NAA16: variants seen among roughly 807,000 people sequenced by gnomAD.
NAA16 encodes the protein NARG1-like protein.
NAA16 carries 97 observed loss-of-function variants against 110.3 expected under a neutral mutation model. That is an observed-to-expected ratio of 0.88 (90% confidence interval 0.75 to 1.04). NAA16 has a LOEUF of 1.04. NAA16 is among the 50% of genes least tolerant of loss of function. The pLI, the probability that NAA16 is intolerant of heterozygous loss-of-function variation, is 0.00. For synonymous variants in NAA16, 372 were observed against 330.6 expected, an observed-to-expected ratio of 1.13 and a Z score of -1.36; for missense variants, 1,017 against 1,005.1, an observed-to-expected ratio of 1.01 and a Z score of -0.16.
rs976741251 is a variant in NAA16, at chr13:41,318,070, G to C, written c.140-736G>C. ...TTAGTGATTTTTAAATTATGTATTT[G>C]TCTTTATTAAGGTAGATTGAGTGTT... On this transcript the variant is annotated intron_variant, in intron 2 of 19. Transcript: ENST00000379406. 3.9e-5 allele frequency among the ~76,000 whole-genome samples: 6 copies of C among 152,202 alleles called. No individual in the cohort carries two copies. In the South Asian group the frequency reaches 1.2e-3, roughly 32 times the overall value.
intron 7 of NAA16, 106 bp downstream of exon 7, chr13:41,328,949 AT>A: frequency 2.1e-6 from 2 of 946,004 alleles, no homozygotes; most frequent in South Asian, 1.5e-5. Context: ...ATTAGTACTC[AT>A]TTTTCCATTT....
At chr13:41,337,647 T>G (rs966550375) in intron 9 of NAA16, among the ~76,000 whole-genome samples, 30 of 151,868 alleles carry the variant, frequency 2.0e-4, no homozygotes, top group South Asian at 8.3e-4. Flanking sequence ...TATTTCCAAG[T>G]GTTGCTTCTT....
At chr13:41,363,455 T>C (rs2043152113) in intron 13 of NAA16, among the ~76,000 whole-genome samples, 1 of 152,184 alleles carries the variant, frequency 6.6e-6, no homozygotes, top group Admixed American at 6.5e-5. Context: ...AGTTCTGAAC[T>C]TCTTGAACTT....
At position 41,320,835 on chromosome 13, in the gene NAA16, C is replaced by A; in HGVS notation, c.402+11C>A. 6.3e-7 allele frequency: 1 copy of A among 1,581,052 alleles called. No individual in the cohort carries two copies. Among genetic ancestry groups the A allele is most frequent in the Non-Finnish European group, 8.6e-7 (1 of 1,167,816 alleles). ...CTTGAAGGTTACCGAGTAAGTACTTCATTCTTAAATGTACATGATTTTACA... is the reference window on the plus strand; with the variant it reads ...CTTGAAGGTTACCGAGTAAGTACTTAATTCTTAAATGTACATGATTTTACA... On this transcript the variant is annotated intron_variant, in intron 4 of 19. Transcript: ENST00000379406.
At chr13:41,355,745 T>C (rs1281494472) in intron 10 of NAA16, among the ~76,000 whole-genome samples, 1 of 152,130 alleles carries the variant, frequency 6.6e-6, no homozygotes, top group Non-Finnish European at 1.5e-5. Context: ...TGTTTTAACA[T>C]GAGGAAACAT....
At chr13:41,318,725 C>T (rs141760441) in intron 2 of NAA16, 81 bp from the exon 3 acceptor site, 23 of 582,176 alleles carry the variant, frequency 4.0e-5, no homozygotes, top group Non-Finnish European at 3.2e-5. Flanking sequence ...TCCTTCAGAT[C>T]TCAACTATTA....
chr13:41,351,569 G>A (rs7994124), intron 9 of NAA16, among the ~76,000 whole-genome samples: 144,293 of 152,326 alleles, frequency 0.95, 68,412 homozygotes, highest in South Asian at 0.99. Context: ...TAAGGTTAAT[G>A]AAGAGTTCTT....
At position 41,361,253 on chromosome 13, in the gene NAA16, A is replaced by C. The variant is rs2043106578; in HGVS notation, c.1411-778A>C. ...TTTGTCAGCCCACTGCAAAGGAGAA[A>C]TATTAAAGTAGAAGAGTTGTCATGA... On this transcript the variant is annotated intron_variant, in intron 12 of 19. Coordinates refer to ENST00000379406, the MANE Select transcript of NAA16 (RefSeq NM_024561.5). 2.6e-5 allele frequency among the ~76,000 whole-genome samples: 4 copies of C among 152,208 alleles called. No individual in the cohort carries two copies. In the South Asian group the frequency reaches 8.3e-4, roughly 31 times the overall value.
intron 3 of NAA16, 85 bp from the exon 4 acceptor site, chr13:41,320,582 A>G (rs2041920879): frequency 4.7e-6 from 6 of 1,279,176 alleles, no homozygotes; most frequent in African/African-American, 1.5e-5. Flanking sequence ...GCAAAATACC[A>G]TTTCCTTAAT....
At chr13:41,343,691 G>A (rs540122717) in intron 9 of NAA16, among the ~76,000 whole-genome samples, 2 of 152,202 alleles carry the variant, frequency 1.3e-5, no homozygotes, top group South Asian at 2.1e-4. Context: ...CGCCACACCC[G>A]GCTAATTTTA....
chr13:41,318,683 G>A (rs577140607), intron 2 of NAA16, 123 bp from the exon 3 acceptor site: 1 of 431,424 alleles, frequency 2.3e-6, no homozygotes, highest in African/African-American at 2.0e-5. Context: ...TTCAAACTGT[G>A]AGATTAAAAA....
chr13:41,333,021 G>T (rs2042281662), intron 8 of NAA16, among the ~76,000 whole-genome samples: 2 of 152,094 alleles, frequency 1.3e-5, no homozygotes, highest in South Asian at 4.1e-4. Context: ...AATAGGCTTG[G>T]TGGGGAGGGT....
chr13:41,373,179 G>A, intron 17 of NAA16: 3 of 897,306 alleles, frequency 3.3e-6, no homozygotes, highest in Non-Finnish European at 4.0e-6. Context: ...AGGCTAGGAT[G>A]TATTTATATT....
At chr13:41,370,022 G>C (rs998831558) in intron 15 of NAA16, among the ~76,000 whole-genome samples, 2 of 152,140 alleles carry the variant, frequency 1.3e-5, no homozygotes, top group African/African-American at 4.8e-5. Context: ...TACTAGAAAT[G>C]TTGTAGCTAC....
chr13:41,324,363 CTTTTTTTTTTTTT>C (rs71086562), intron 5 of NAA16, among the ~76,000 whole-genome samples: 32 of 66,098 alleles, frequency 4.8e-4, no homozygotes, highest in East Asian at 2.6e-3. Context: ...TTCTTTCTTT[CTTTTTTTTTTTTT>C]TTTTTTTTTT....
In NAA16 at chr13:41,376,296, AG is replaced by A. The variant is rs1482164293; in HGVS notation, c.*696del. 6.6e-6 allele frequency: 1 copy of A among 152,234 alleles called. No homozygotes were observed. Among genetic ancestry groups the A allele is most frequent in the East Asian group, 1.9e-4 (1 of 5,198 alleles). The allele number at this position is 152,234 out of a possible 1,614,324, so 9.4% of individuals were successfully genotyped here. On this transcript the variant is annotated 3_prime_UTR_variant, in exon 20 of 20. Transcript: ENST00000379406. ...AGAGCAAGACTCCATCTCGAAAAAA[AG>A]GAATTCCTCTTGGCAGATATTGAAG... is the stretch of plus-strand genomic sequence containing the variant.
intron 2 of NAA16, among the ~76,000 whole-genome samples, chr13:41,317,969 TA>T (rs1272159539): frequency 6.6e-6 from 1 of 152,258 alleles, no homozygotes; most frequent in East Asian, 1.9e-4. Context: ...GAACTGATGT[TA>T]ATTAGCCTAA....
rs1383828431 is a variant in NAA16 at position 41,362,708 on chromosome 13, C to T, written c.1539+549C>T. 3.9e-6 allele frequency: 5 copies of T among 1,289,414 alleles called. No individual in the cohort carries two copies. In the African/African-American group the frequency reaches 4.6e-5, roughly 12 times the overall value. 79.9% of individuals were successfully genotyped at this position (1,289,414 alleles called of 1,614,324 possible). A position where few individuals can be genotyped will look rare whatever the true frequency, so the allele number is the denominator to read the frequency against. On this transcript the variant is annotated intron_variant, in intron 13 of 19. Coordinates refer to ENST00000379406, the MANE Select transcript of NAA16 (RefSeq NM_024561.5). Reference sequence around the variant, plus strand: ...TTTCCTTTGTGTGAATTTTTGTTTTCCTGTTCTTTGTCATCTCTGAAGCAC... The same window carrying T: ...TTTCCTTTGTGTGAATTTTTGTTTTTCTGTTCTTTGTCATCTCTGAAGCAC...
At position 41,373,321 on chromosome 13, in the gene NAA16, G is replaced by A. The variant is rs191596270; in HGVS notation, c.2156-316G>A. On this transcript the variant is annotated intron_variant, in intron 17 of 19. Coordinates refer to ENST00000379406, the MANE Select transcript of NAA16 (RefSeq NM_024561.5). ...TGTCTAGGCTGGAGTGCAGTAGCACGATCTTGGCTCACTGCAACCTCCACC... is the reference window on the plus strand; with the variant it reads ...TGTCTAGGCTGGAGTGCAGTAGCACAATCTTGGCTCACTGCAACCTCCACC... 168 of 496,742 alleles carry A rather than the reference G, an allele frequency of 3.4e-4. 1 individual carries two copies. Among genetic ancestry groups the A allele is most frequent in the African/African-American group, 2.1e-3 (99 of 47,608 alleles). The allele number at this position is 496,742 out of a possible 1,614,324, so 30.8% of individuals were successfully genotyped here.
Sources: allele counts gnomAD v4.1 joint callset (sites outside exome capture counted in the v4.1 genomes callset), GRCh38; gene constraint gnomAD v4.1.1; transcripts MANE v1.5; gene names NCBI Gene and HGNC (gene_info 2026-07-23, HGNC 2026-07-21).